The following NBAS variants were observed in gnomAD, a reference collection of about 807,000 sequenced individuals.
NBAS encodes the protein NAG/BC035112 fusion.
In NBAS, 219 loss-of-function variants were observed where a neutral mutation model predicts 302.5. That is an observed-to-expected ratio of 0.72 (90% CI 0.65 to 0.81). NBAS has a LOEUF of 0.81. Ranked by LOEUF, NBAS falls within the 30% of genes least tolerant of loss-of-function variation. The pLI, the probability that NBAS is intolerant of heterozygous loss-of-function variation, is 0.00. For missense variants in NBAS, 2,932 were observed against 2,841.6 expected, an observed-to-expected ratio of 1.03 and a Z score of -0.72; for synonymous variants, 1,118 against 1,021.6, an observed-to-expected ratio of 1.09 and a Z score of -1.80.
chr2:15,362,210 G>T (rs995863702), intron 32 of NBAS, among the ~76,000 whole-genome samples: 9 of 151,822 alleles, frequency 5.9e-5, no homozygotes, highest in African/African-American at 2.2e-4. Context: ...AGGCACGGTG[G>T]CTCACGCCTG....
At chr2:14,850,520 C>T in the NBAS span, among the ~76,000 whole-genome samples, 9 of 91,236 alleles carry the variant, frequency 9.9e-5, no homozygotes, top group South Asian at 3.1e-4. Context: ...GACAGATCAA[C>T]GAGACAGAAA....
chr2:15,176,585 C>A lies in NBAS; in HGVS notation c.6840+2403G>T, dbSNP rs190729137. Among the ~76,000 whole-genome samples the A allele has an allele frequency of 3.6e-4, 55 of 152,264 alleles. No homozygotes were observed. In the East Asian group the frequency reaches 8.3e-3, roughly 23 times the overall value. On this transcript the variant is annotated intron_variant, in intron 51 of 51. Transcript: ENST00000281513. ...AATATTACAGGTAAGTATCCCTTAT[C>A]CAAAAAGCTTGAGCTCAGAAGTGTC...
the NBAS span, among the ~76,000 whole-genome samples, chr2:14,887,384 CA>C: frequency 8.4e-6 from 1 of 118,804 alleles, no homozygotes; most frequent in Non-Finnish European, 1.6e-5. Context: ...GCCTGAGTGA[CA>C]AAGTGAGACT....
At chr2:15,331,365 G>A (rs570976610) in intron 35 of NBAS, among the ~76,000 whole-genome samples, 2 of 152,242 alleles carry the variant, frequency 1.3e-5, no homozygotes, top group East Asian at 1.9e-4. Flanking sequence ...GATTCCACGA[G>A]GAGAAAATGT....
chr2:14,970,796 C>T, the NBAS span, among the ~76,000 whole-genome samples: 3 of 152,210 alleles, frequency 2.0e-5, no homozygotes, highest in Non-Finnish European at 4.4e-5. Flanking sequence ...AGGCAGCATT[C>T]ATTTCCAGTT....
At chr2:14,964,563 T>C in the NBAS span, among the ~76,000 whole-genome samples, 1 of 152,112 alleles carries the variant, frequency 6.6e-6, no homozygotes, top group Non-Finnish European at 1.5e-5. Flanking sequence ...TTGATAGAAC[T>C]AAAGGACAAA....
At chr2:15,448,830 TAACTA>T (rs1390364862) in intron 21 of NBAS, among the ~76,000 whole-genome samples, 1 of 152,202 alleles carries the variant, frequency 6.6e-6, no homozygotes, top group Non-Finnish European at 1.5e-5. Context: ...ATTTATATGT[TAACTA>T]AATATAGTGT....
At chr2:15,153,880 G>A in the NBAS span, among the ~76,000 whole-genome samples, 2 of 152,206 alleles carry the variant, frequency 1.3e-5, no homozygotes, top group Non-Finnish European at 2.9e-5. Context: ...TTCCATAAAA[G>A]TGTTTTATAA....
At chr2:15,418,053 T>C (rs753435282) in intron 23 of NBAS, among the ~76,000 whole-genome samples, 4 of 152,160 alleles carry the variant, frequency 2.6e-5, no homozygotes, top group African/African-American at 7.2e-5. Flanking sequence ...AAAAAACACA[T>C]ACCTACTAAT....
intron 11 of NBAS, among the ~76,000 whole-genome samples, chr2:15,491,052 AT>A (rs1204924023): frequency 6.6e-6 from 1 of 152,204 alleles, no homozygotes; most frequent in Non-Finnish European, 1.5e-5. Flanking sequence ...AATATATAGT[AT>A]TTTTTAATTT....
At chr2:15,052,111 A>C in the NBAS span, among the ~76,000 whole-genome samples, 3 of 152,182 alleles carry the variant, frequency 2.0e-5, no homozygotes, top group African/African-American at 7.2e-5. Context: ...TTAGTGTTCA[A>C]CATAGACAGT....
intron 11 of NBAS, among the ~76,000 whole-genome samples, chr2:15,501,584 ATTTTTTTTT>A (rs70961416): frequency 2.8e-5 from 3 of 107,222 alleles, no homozygotes; most frequent in Non-Finnish European, 5.5e-5. Flanking sequence ...TGAACTAAAT[ATTTTTTTTT>A]TTTTTTTTTT....
chr2:14,982,026 G>A, the NBAS span, among the ~76,000 whole-genome samples: 1 of 152,174 alleles, frequency 6.6e-6, no homozygotes, highest in Non-Finnish European at 1.5e-5. Context: ...TGGTGTTCTA[G>A]GTCTTCCAAA....
the NBAS span, among the ~76,000 whole-genome samples, chr2:14,854,020 T>C: frequency 6.8e-6 from 1 of 147,268 alleles, no homozygotes; most frequent in Admixed American, 6.7e-5. Context: ...CATGTATACA[T>C]ATGTAACTAA....
chr2:15,077,051 CT>C, the NBAS span, among the ~76,000 whole-genome samples: 1 of 152,192 alleles, frequency 6.6e-6, no homozygotes, highest in Non-Finnish European at 1.5e-5. Context: ...CATTTTCACA[CT>C]GCTATAAAGA....
the NBAS span, among the ~76,000 whole-genome samples, chr2:15,039,782 C>T: frequency 3.3e-5 from 5 of 152,202 alleles, no homozygotes; most frequent in African/African-American, 1.2e-4. Flanking sequence ...CCGGCAGCCT[C>T]TGAGGGCCAG....
chr2:15,122,663 C>G, the NBAS span, among the ~76,000 whole-genome samples: 1 of 152,140 alleles, frequency 6.6e-6, no homozygotes, highest in Non-Finnish European at 1.5e-5. Flanking sequence ...GAAAGAAAGA[C>G]AGAAAAAGCA....
the NBAS span, among the ~76,000 whole-genome samples, chr2:15,045,640 C>A: frequency 5.3e-5 from 8 of 152,102 alleles, no homozygotes; most frequent in Admixed American, 3.9e-4. Context: ...TGTTTCCATG[C>A]CTTGGCTAAT....
chr2:15,279,677 G>A (rs1337336648), intron 42 of NBAS, among the ~76,000 whole-genome samples: 1 of 152,086 alleles, frequency 6.6e-6, no homozygotes, highest in Non-Finnish European at 1.5e-5. Flanking sequence ...TTTGCCTGCT[G>A]TGCAATTTTA....
Sources: allele counts gnomAD v4.1 joint callset (sites outside exome capture counted in the v4.1 genomes callset), GRCh38; gene constraint gnomAD v4.1.1; transcripts MANE v1.5; gene names NCBI Gene and HGNC (gene_info 2026-07-23, HGNC 2026-07-21).